The following FAM199X variants were observed in gnomAD, a reference collection of about 807,000 sequenced individuals.
FAM199X encodes the protein protein FAM199X.
A neutral mutation model predicts 22.9 loss-of-function variants in FAM199X; 4 were observed. That is an observed-to-expected ratio of 0.17 (90% CI 0.09 to 0.40). FAM199X has a LOEUF of 0.40. Among genes scored for constraint, FAM199X ranks in the 10% least tolerant of loss-of-function variants. FAM199X has a pLI of 1.00. For missense variants in FAM199X, 183 were observed against 306.8 expected, an observed-to-expected ratio of 0.60 and a Z score of 3.01; for synonymous variants, 101 against 112.3, an observed-to-expected ratio of 0.90 and a Z score of 0.64.
chrX:104,193,844 A>G lies in FAM199X; in HGVS notation c.*4066A>G, dbSNP rs1364285174. 8.9e-6 allele frequency: 1 copy of G among 111,931 alleles called. No homozygotes were observed. The highest frequency in any genetic ancestry group is 1.9e-5 in the Non-Finnish European group (1 of 52,992). The allele number at this position is 111,931 out of a possible 1,213,427, so 9.2% of individuals were successfully genotyped here. ...ATAAAATTATGCTAAGTGAATAAAA[A>G]CTGAGATATTTTAAGCTAGGCATCT... On this transcript the variant is annotated 3_prime_UTR_variant, in exon 6 of 6. Transcript: ENST00000493442.
intron 1 of FAM199X, among the ~76,000 whole-genome samples, chrX:104,175,332 G>A (rs782226114): frequency 8.9e-6 from 1 of 111,937 alleles, no homozygotes; most frequent in Non-Finnish European, 1.9e-5. Context: ...AGAGAAAAGT[G>A]TAATGGACCC....
At chrX:104,158,060 C>A in the FAM199X span, among the ~76,000 whole-genome samples, 1 of 112,141 alleles carries the variant, frequency 8.9e-6, no homozygotes, top group Non-Finnish European at 1.9e-5. Context: ...ATAACTTGCC[C>A]ACGGTCACAG....
At chrX:104,172,473 AC>A (rs1921382313) in intron 1 of FAM199X, among the ~76,000 whole-genome samples, 1 of 110,553 alleles carries the variant, frequency 9.0e-6, no homozygotes, top group African/African-American at 3.3e-5. Context: ...AGTAAAAAAT[AC>A]TGTTATTCTA....
intron 2 of FAM199X, among the ~76,000 whole-genome samples, chrX:104,179,180 G>A (rs1556377212): frequency 1.8e-5 from 2 of 112,050 alleles, no homozygotes; most frequent in South Asian, 3.7e-4. Context: ...TCAAAAAAGA[G>A]TAGTTGGGAT....
rs1922003157 is a variant in FAM199X at position 104,194,055 on chromosome X, T to C, written c.*4277T>C. 1 of 111,932 alleles carries C rather than the reference T, an allele frequency of 8.9e-6. No homozygotes were observed. The highest frequency in any genetic ancestry group is 3.6e-4 in the South Asian group (1 of 2,748). 9.2% of individuals were successfully genotyped at this position (111,932 alleles called of 1,213,427 possible). A position where few individuals can be genotyped will look rare whatever the true frequency, so the allele number is the denominator to read the frequency against. Reference sequence around the variant, plus strand: ...TTGACTCACTGAAATTTTATTTTCTTATTTTTTTAACATTAAAATTATTTC... The same window carrying C: ...TTGACTCACTGAAATTTTATTTTCTCATTTTTTTAACATTAAAATTATTTC... On this transcript the variant is annotated 3_prime_UTR_variant, in exon 6 of 6. Coordinates refer to ENST00000493442, the MANE Select transcript of FAM199X (RefSeq NM_207318.4).
At position 104,192,268 on chromosome X, in the gene FAM199X, T is replaced by G. The variant is rs1248113426; in HGVS notation, c.*2490T>G. 8.9e-6 allele frequency: 1 copy of G among 111,904 alleles called. No homozygotes were observed. Among genetic ancestry groups the G allele is most frequent in the Non-Finnish European group, 1.9e-5 (1 of 53,001 alleles). 9.2% of individuals were successfully genotyped at this position (111,904 alleles called of 1,213,427 possible). A position where few individuals can be genotyped will look rare whatever the true frequency, so the allele number is the denominator to read the frequency against. On this transcript the variant is annotated 3_prime_UTR_variant, in exon 6 of 6. Transcript: ENST00000493442. ...TTTCTTGGAATAAGTAATAATTTAT[T>G]CAATATGGTGTATCTCTGAGTTCAA...
At chrX:104,167,218 C>T (rs953128154) in intron 1 of FAM199X, among the ~76,000 whole-genome samples, 1 of 104,972 alleles carries the variant, frequency 9.5e-6, no homozygotes, top group Non-Finnish European at 2.0e-5. Flanking sequence ...TATAGCGACT[C>T]CTCCCTTCCC....
upstream of FAM199X, among the ~76,000 whole-genome samples, chrX:104,161,627 G>C (rs1434642670): frequency 9.0e-6 from 1 of 111,312 alleles, no homozygotes; most frequent in Non-Finnish European, 1.9e-5. Context: ...CGGATCACGA[G>C]GTTAGGAGTT....
chrX:104,169,792 T>C (rs976383134), intron 1 of FAM199X, among the ~76,000 whole-genome samples: 2 of 112,087 alleles, frequency 1.8e-5, no homozygotes, highest in Admixed American at 9.4e-5. Context: ...GATCTTGAAC[T>C]CCAGACCTCA....
intron 1 of FAM199X, among the ~76,000 whole-genome samples, chrX:104,169,723 A>G (rs782324707): frequency 8.9e-6 from 1 of 111,802 alleles, no homozygotes; most frequent in Non-Finnish European, 1.9e-5. Flanking sequence ...GTGTACCACT[A>G]TGCCTGGCTA....
chrX:104,183,760 C>T (rs1472470181), intron 2 of FAM199X, among the ~76,000 whole-genome samples: 2 of 112,171 alleles, frequency 1.8e-5, no homozygotes, highest in African/African-American at 6.5e-5. Flanking sequence ...CCACTGCGCC[C>T]AGCCGTTAAT....
chrX:104,176,488 A>C (rs1921493952), intron 2 of FAM199X, among the ~76,000 whole-genome samples: 1 of 112,608 alleles, frequency 8.9e-6, no homozygotes, highest in African/African-American at 3.2e-5. Context: ...CCCTGCCTAC[A>C]GCAAAGATTT....
intron 2 of FAM199X, among the ~76,000 whole-genome samples, chrX:104,179,832 G>T (rs1402598153): frequency 9.0e-6 from 1 of 111,161 alleles, no homozygotes; most frequent in Non-Finnish European, 1.9e-5. Flanking sequence ...GTTCTCAGTT[G>T]TGTCTTTGTC....
At chrX:104,164,403 A>G (rs1213918296), upstream of FAM199X, among the ~76,000 whole-genome samples, 1 of 112,364 alleles carries the variant, frequency 8.9e-6, no homozygotes, top group African/African-American at 3.2e-5. Flanking sequence ...CATTGTGAAA[A>G]TAAACTCAAA....
intron 1 of FAM199X, among the ~76,000 whole-genome samples, chrX:104,173,140 T>G (rs1921401136): frequency 9.0e-6 from 1 of 110,913 alleles, no homozygotes; most frequent in Non-Finnish European, 1.9e-5. Context: ...TCAGCACATT[T>G]TTTAACTTTT....
At chrX:104,160,078 G>A in the FAM199X span, among the ~76,000 whole-genome samples, 1 of 112,185 alleles carries the variant, frequency 8.9e-6, no homozygotes, top group African/African-American at 3.2e-5. Flanking sequence ...TCTGCTTCTA[G>A]GGAACCCTAA....
chrX:104,179,943 A>C (rs938903238), intron 2 of FAM199X, among the ~76,000 whole-genome samples: 8 of 108,175 alleles, frequency 7.4e-5, no homozygotes, highest in African/African-American at 2.4e-4. Flanking sequence ...TTTAAGATAC[A>C]AACTTTTTCA....
chrX:104,176,969 T>G (rs1175317630), intron 2 of FAM199X, among the ~76,000 whole-genome samples: 3 of 111,971 alleles, frequency 2.7e-5, no homozygotes, highest in Non-Finnish European at 5.6e-5. Flanking sequence ...TTTTAAACTT[T>G]TTAAAAATTT....
At chrX:104,177,405 T>C (rs1921518498) in intron 2 of FAM199X, among the ~76,000 whole-genome samples, 1 of 112,399 alleles carries the variant, frequency 8.9e-6, no homozygotes, top group South Asian at 3.7e-4. Context: ...TTGGCTGTTA[T>C]AAATAATACT....
Sources: gnomAD v4.1 joint callset for allele counts (sites outside exome capture counted in the v4.1 genomes callset) on GRCh38, gnomAD v4.1.1 for gene constraint, MANE v1.5 for transcripts, NCBI Gene and HGNC (gene_info 2026-07-23, HGNC 2026-07-21) for gene names.